The following EPHA10 variants were observed in gnomAD, a reference collection of about 807,000 sequenced individuals.
EPHA10 encodes ephrin type-A receptor 10.
In EPHA10, 120 loss-of-function variants were observed where a neutral mutation model predicts 109.7. The ratio of observed to expected loss-of-function variants is 1.09; its 90% CI spans 0.94 to 1.27. EPHA10 has a LOEUF of 1.27. EPHA10 is among the 50% of genes most tolerant of loss of function. The probability of loss-of-function intolerance (pLI) is 0.00; values close to 1 mark genes in which losing one functional copy is unlikely to be tolerated. For missense variants in EPHA10, 1,396 were observed against 1,411.1 expected (o/e 0.99, Z 0.17); for synonymous variants, 640 against 618.9 (o/e 1.03, Z -0.51).
chr1:37,762,370 T>G (rs1646441738), intron 2 of EPHA10, among the ~76,000 whole-genome samples: 1 of 152,172 alleles, frequency 6.6e-6, no homozygotes. Flanking sequence ...CAGTGCCCTT[T>G]GCACTCCACC....
rs533644513 is a variant in EPHA10, at chr1:37,716,669, A to T, written c.*1703T>A. On this transcript the variant is annotated 3_prime_UTR_variant, in exon 17 of 17. Transcript: ENST00000373048. The stretch of plus-strand genomic sequence containing the variant: ...TGGGTGCTCTGCAAAGAGGCACTGC[A>T]CCTTCCCGCCTCTGGGCTCTTTCTC... 4.6e-4 allele frequency: 106 copies of T among 232,476 alleles called. 1 individual carries two copies. In the South Asian group the frequency reaches 0.019, roughly 41 times the overall value. 14.4% of individuals were successfully genotyped at this position (232,476 alleles called of 1,614,324 possible). A position where few individuals can be genotyped will look rare whatever the true frequency, so the allele number is the denominator to read the frequency against.
chr1:37,750,312 G>A (rs1227642973), intron 5 of EPHA10, among the ~76,000 whole-genome samples: 1 of 151,926 alleles, frequency 6.6e-6, no homozygotes, highest in East Asian at 1.9e-4. Flanking sequence ...ATGAAAGAAA[G>A]ATGGAAAAAA....
At chr1:37,727,890 C>T (rs1358990397) in intron 7 of EPHA10, among the ~76,000 whole-genome samples, 1 of 152,202 alleles carries the variant, frequency 6.6e-6, no homozygotes, top group Non-Finnish European at 1.5e-5. Flanking sequence ...CCCTATTCAT[C>T]GATCTATCCA....
chr1:37,719,414 C>A lies in EPHA10; in HGVS notation c.2756G>T (p.Arg919Met), dbSNP rs2148304044. The A allele has an allele frequency of 1.2e-6, 2 of 1,611,846 alleles. No homozygotes were observed. The highest frequency in any genetic ancestry group is 2.2e-5 in the South Asian group (2 of 90,660). ...PPKCALTTCP[R>M]PPTPLADRAF... Reference sequence around the variant, plus strand: ...CTGGCTGTCCCATGTGGGAACGTACCTGGGACAGGTAGTCAGGGCACACTT... The same window carrying A: ...CTGGCTGTCCCATGTGGGAACGTACATGGGACAGGTAGTCAGGGCACACTT... The change falls in exon 15 of 17, where the codon AGG becomes ATG. Residue 919 changes from arginine to methionine, a missense_variant and splice_region_variant. Transcript: ENST00000373048.
At chr1:37,739,864 T>C (rs1478075884) in intron 5 of EPHA10, among the ~76,000 whole-genome samples, 1 of 150,840 alleles carries the variant, frequency 6.6e-6, no homozygotes, top group Non-Finnish European at 1.5e-5. Flanking sequence ...AGGGCCAGGG[T>C]GGGAGGATCG....
At chr1:37,723,484 G>A (rs1025599977) in intron 8 of EPHA10, 112 bp from the exon 9 acceptor site, 1 of 1,210,794 alleles carries the variant, frequency 8.3e-7, no homozygotes, top group African/African-American at 1.5e-5. Flanking sequence ...CCTGTGCCCT[G>A]GGGGAGGGAA....
intron 7 of EPHA10, among the ~76,000 whole-genome samples, chr1:37,729,766 G>A (rs1645951375): frequency 6.6e-6 from 1 of 151,936 alleles, no homozygotes; most frequent in East Asian, 1.9e-4. Context: ...TCAGCTACTT[G>A]GGAAGCTGAG....
intron 11 of EPHA10, 60 bp from the exon 12 acceptor site, chr1:37,720,904 A>T: frequency 6.4e-7 from 1 of 1,570,850 alleles, no homozygotes; most frequent in Non-Finnish European, 8.8e-7. Context: ...CACGCACACA[A>T]GTTTCCCCCC....
rs544892379 is a variant in EPHA10, at chr1:37,718,568, T to C, written c.2913-82A>G. ...TGAAGGCCCTCCACTCTCCCTCCGCTTCTCTGGACAGGTTGGGACTCCCCA... is the reference window on the plus strand; with the variant it reads ...TGAAGGCCCTCCACTCTCCCTCCGCCTCTCTGGACAGGTTGGGACTCCCCA... On this transcript the variant is annotated intron_variant, in intron 16 of 16. Coordinates refer to ENST00000373048, the MANE Select transcript of EPHA10 (RefSeq NM_001099439.2). 3.4e-4 allele frequency: 555 copies of C among 1,611,732 alleles called. 3 individuals are homozygous for C. The African/African-American group carries it at 6.6e-3, about 19-fold the overall frequency.
chr1:37,740,973 C>T (rs1646144464), intron 5 of EPHA10, among the ~76,000 whole-genome samples: 1 of 152,160 alleles, frequency 6.6e-6, no homozygotes, highest in African/African-American at 2.4e-5. Flanking sequence ...AGAAGCTTGA[C>T]AAGGAGGAGC....
intron 8 of EPHA10, 133 bp from the exon 9 acceptor site, chr1:37,723,505 A>G (rs977166151): frequency 9.8e-7 from 1 of 1,018,498 alleles, no homozygotes; most frequent in Non-Finnish European, 1.4e-6. Flanking sequence ...CTTCTTGTCC[A>G]GCTGGTTTAA....
chr1:37,727,161 C>A lies in EPHA10; in HGVS notation c.1713G>T (p.Val571=). ...CCAGGACGAGGAGGGCCGAGATGGTCACTACGGTGACGACAATGGCGGGGC... is the reference window on the plus strand; with the variant it reads ...CCAGGACGAGGAGGGCCGAGATGGTAACTACGGTGACGACAATGGCGGGGC... ...DQSPAIVVTV[V]TISALLVLGS... Residue 571 remains valine, a synonymous_variant, in exon 8 of 17, where the codon GTG becomes GTT. Coordinates refer to ENST00000373048, the MANE Select transcript of EPHA10 (RefSeq NM_001099439.2). 3 of 1,612,924 alleles carry A rather than the reference C, an allele frequency of 1.9e-6. No homozygotes were observed. In the South Asian group the frequency reaches 3.3e-5, roughly 18 times the overall value.
At chr1:37,714,825 A>G (rs1645668576), downstream of EPHA10, 1 of 152,326 alleles carries the variant, frequency 6.6e-6, no homozygotes, top group Admixed American at 6.5e-5. Flanking sequence ...AGCTCTCAGC[A>G]GGAAACAACC....
intron 5 of EPHA10, among the ~76,000 whole-genome samples, chr1:37,744,465 A>T (rs1056264450): frequency 6.6e-6 from 1 of 151,972 alleles, no homozygotes; most frequent in South Asian, 2.1e-4. Context: ...GGTTGCAGTG[A>T]GCAGAGATCA....
At position 37,764,914 on chromosome 1, in the gene EPHA10, A is replaced by G. The variant is rs756837151; in HGVS notation, c.106+47T>C. On this transcript the variant is annotated intron_variant, in intron 1 of 16. Coordinates refer to ENST00000373048, the MANE Select transcript of EPHA10 (RefSeq NM_001099439.2). This position sits in a 1 kb window ranked among gnomAD's most constrained non-coding sequence, Gnocchi z 5.8. ...CCAGAACCCCCATCGCCAGCCCCCT[A>G]TCTTTTGGTATGCCACGCTCCGAGC... 2.6e-6 allele frequency: 4 copies of G among 1,526,072 alleles called. No individual in the cohort carries two copies. Among genetic ancestry groups the G allele is most frequent in the Non-Finnish European group, 2.7e-6 (3 of 1,123,626 alleles). 94.5% of individuals were successfully genotyped at this position (1,526,072 alleles called of 1,614,324 possible).
In EPHA10 at chr1:37,716,173, C is replaced by A; in HGVS notation, c.*2199G>T. On this transcript the variant is annotated 3_prime_UTR_variant, in exon 17 of 17. Coordinates refer to ENST00000373048, the MANE Select transcript of EPHA10 (RefSeq NM_001099439.2). ...GTAGAGGGTTCCCAGAGAGCCATCG[C>A]CCCACATCACATCTGTGCAGGGCTG... is the stretch of plus-strand genomic sequence containing the variant. 1 of 417,498 alleles carries A rather than the reference C, an allele frequency of 2.4e-6. No homozygotes were observed. The highest frequency in any genetic ancestry group is 4.5e-4 in the Middle Eastern group (1 of 2,240). 25.9% of individuals were successfully genotyped at this position (417,498 alleles called of 1,614,324 possible).
chr1:37,750,597 A>G (rs1646307539), intron 5 of EPHA10, among the ~76,000 whole-genome samples: 1 of 150,688 alleles, frequency 6.6e-6, no homozygotes, highest in South Asian at 2.1e-4. Flanking sequence ...TTTTTTTTTA[A>G]GAGACATAGT....
intron 12 of EPHA10, 35 bp from the exon 13 acceptor site, chr1:37,720,589 G>A (rs772325453): frequency 2.0e-5 from 31 of 1,584,480 alleles, no homozygotes; most frequent in South Asian, 7.9e-5. Context: ...AGGGCTGTGC[G>A]CTTGGATCCC....
intron 5 of EPHA10, among the ~76,000 whole-genome samples, chr1:37,747,146 GATA>G (rs1646253057): frequency 6.6e-6 from 1 of 152,174 alleles, no homozygotes; most frequent in Non-Finnish European, 1.5e-5. Flanking sequence ...CTAACAATGT[GATA>G]ATATCATGTA....
Sources: allele counts gnomAD v4.1 joint callset (sites outside exome capture counted in the v4.1 genomes callset), GRCh38; gene constraint gnomAD v4.1.1; non-coding constraint Gnocchi (gnomAD v3.1); transcripts MANE v1.5; gene names NCBI Gene and HGNC (gene_info 2026-07-23, HGNC 2026-07-21).